PDE8B: variants seen among roughly 807,000 people sequenced by gnomAD.
The protein encoded by PDE8B is phosphodiesterase 8B, also known as high affinity cAMP-specific and IBMX-insensitive 3',5'-cyclic phosphodiesterase 8B.
A neutral mutation model predicts 101.3 loss-of-function variants in PDE8B; 26 were observed. The observed-to-expected ratio is 0.26, with a 90% CI of 0.19 to 0.36. PDE8B has a LOEUF of 0.36. Ranked by LOEUF, PDE8B falls within the 10% of genes least tolerant of loss-of-function variation. PDE8B has a pLI of 1.00. For missense variants in PDE8B, 810 were observed against 1,163.1 expected (o/e 0.70, Z 4.42); for synonymous variants, 424 against 429.3 (o/e 0.99, Z 0.15).
At chr5:77,425,923 A>G in intron 21 of PDE8B, 27 bp downstream of exon 21, 2 of 1,606,404 alleles carry the variant, frequency 1.2e-6, no homozygotes, top group Non-Finnish European at 1.7e-6. Context: ...TTTGTCACCC[A>G]AAGAAAATTG....
chr5:77,379,069 A>G (rs1581357501), intron 10 of PDE8B, among the ~76,000 whole-genome samples: 2 of 152,242 alleles, frequency 1.3e-5, no homozygotes, highest in East Asian at 3.8e-4. Flanking sequence ...AATGATTATC[A>G]CTGGGCTAAA....
intron 1 of PDE8B, among the ~76,000 whole-genome samples, chr5:77,219,462 G>A (rs1050931913): frequency 1.3e-5 from 2 of 152,128 alleles, no homozygotes; most frequent in Non-Finnish European, 2.9e-5. Flanking sequence ...GGTACCATAT[G>A]AAGAAAAAGA....
chr5:77,176,785 G>A, the PDE8B span, among the ~76,000 whole-genome samples: 1 of 152,204 alleles, frequency 6.6e-6, no homozygotes, highest in Admixed American at 6.5e-5. Context: ...CTAGGAATCA[G>A]ATTTGGAAGG....
chr5:77,284,828 AT>A, intron 1 of PDE8B, among the ~76,000 whole-genome samples: 1 of 152,216 alleles, frequency 6.6e-6, no homozygotes, highest in Admixed American at 6.5e-5. Context: ...TTTCATTGCC[AT>A]GTAGTCTTCC....
At chr5:77,392,287 C>G (rs180757816) in intron 10 of PDE8B, among the ~76,000 whole-genome samples, 188 of 152,202 alleles carry the variant, frequency 1.2e-3, no homozygotes, top group African/African-American at 4.3e-3. Context: ...GACCTACCCC[C>G]CAAAGTCTGA....
At chr5:77,091,619 C>T in the PDE8B span, among the ~76,000 whole-genome samples, 105 of 151,714 alleles carry the variant, frequency 6.9e-4, 1 homozygote, top group Middle Eastern at 0.017. Flanking sequence ...CCAGACTGGG[C>T]GACAGAGTGA....
the PDE8B span, among the ~76,000 whole-genome samples, chr5:77,183,982 A>T: frequency 1.7e-4 from 23 of 132,010 alleles, no homozygotes; most frequent in African/African-American, 5.1e-4. Flanking sequence ...TTTTTTTTTA[A>T]AAAAAAACAG....
chr5:77,186,245 C>T, the PDE8B span, among the ~76,000 whole-genome samples: 1 of 152,168 alleles, frequency 6.6e-6, no homozygotes, highest in Non-Finnish European at 1.5e-5. Flanking sequence ...ATTGCATTAC[C>T]ACTTTAAAGC....
At chr5:77,177,166 C>T in the PDE8B span, among the ~76,000 whole-genome samples, 4 of 152,196 alleles carry the variant, frequency 2.6e-5, no homozygotes, top group Admixed American at 6.5e-5. Flanking sequence ...GTGTTGGGCT[C>T]TGTTTCGCTG....
chr5:77,266,866 G>GT (rs796951209), intron 1 of PDE8B, among the ~76,000 whole-genome samples: 2,099 of 144,492 alleles, frequency 0.015, 24 homozygotes, highest in African/African-American at 0.045. Flanking sequence ...TCTTGAATCT[G>GT]TTTTTTTTTT....
At chr5:77,210,521 G>C, upstream of PDE8B, 2 of 650,066 alleles carry the variant, frequency 3.1e-6, no homozygotes, top group Non-Finnish European at 3.8e-6. The surrounding 1 kb of genome is among the most constrained non-coding windows in gnomAD (Gnocchi z 4.9). Flanking sequence ...CAGGCGGGCG[G>C]GCGCCCTGGC....
intron 10 of PDE8B, among the ~76,000 whole-genome samples, chr5:77,370,621 T>G (rs897907295): frequency 6.6e-6 from 1 of 152,254 alleles, no homozygotes; most frequent in Non-Finnish European, 1.5e-5. Context: ...CTGTGAATAT[T>G]CTTATACAAG....
the PDE8B span, among the ~76,000 whole-genome samples, chr5:77,152,488 A>T: frequency 6.7e-3 from 1,024 of 152,240 alleles, 10 homozygotes; most frequent in African/African-American, 0.021. Context: ...CATCTCCTGC[A>T]CCCAGCTCTG....
the PDE8B span, among the ~76,000 whole-genome samples, chr5:77,124,964 C>A: frequency 6.6e-6 from 1 of 152,118 alleles, no homozygotes; most frequent in Non-Finnish European, 1.5e-5. Context: ...ATTCTTCACA[C>A]CTGTTAGGAT....
chr5:77,426,042 T>G (rs1581662779), intron 21 of PDE8B, 146 bp downstream of exon 21: 1 of 713,068 alleles, frequency 1.4e-6, no homozygotes, highest in Non-Finnish European at 2.5e-6. Flanking sequence ...TGGGGTGGGG[T>G]GCATTCTTTG....
intron 10 of PDE8B, among the ~76,000 whole-genome samples, chr5:77,360,557 C>T (rs1368082193): frequency 6.6e-6 from 1 of 152,218 alleles, no homozygotes; most frequent in Non-Finnish European, 1.5e-5. Context: ...CAACCTAAAT[C>T]ATCCATTCAG....
the PDE8B span, among the ~76,000 whole-genome samples, chr5:77,164,564 C>T: frequency 6.6e-6 from 1 of 152,186 alleles, no homozygotes; most frequent in Non-Finnish European, 1.5e-5. Context: ...ACTCTTCTCT[C>T]ACCTTATGGG....
At chr5:77,328,268 G>T (rs774267986) in intron 3 of PDE8B, among the ~76,000 whole-genome samples, 1 of 152,076 alleles carries the variant, frequency 6.6e-6, no homozygotes, top group Non-Finnish European at 1.5e-5. Flanking sequence ...CTGGGCTGTA[G>T]CATGGCACAG....
Position 77,218,597 on chromosome 5 carries a change from C to T in PDE8B, c.339+7333C>T, listed in dbSNP as rs960937367. Among the ~76,000 whole-genome samples, 70 of 152,154 alleles carry T rather than the reference C, an allele frequency of 4.6e-4. 1 individual carries two copies. Among genetic ancestry groups the T allele is most frequent in the Admixed American group, 4.3e-3 (65 of 15,264 alleles). On this transcript the variant is annotated intron_variant, in intron 1 of 21. Transcript: ENST00000264917. ...CAGAGGGAAGGGGAGCAGGGAGCCTCGTGAGTGAGATTTTTCCTTTCACAT... is the reference window on the plus strand; with the variant it reads ...CAGAGGGAAGGGGAGCAGGGAGCCTTGTGAGTGAGATTTTTCCTTTCACAT...
Sources: gnomAD v4.1 joint callset for allele counts (sites outside exome capture counted in the v4.1 genomes callset) on GRCh38, gnomAD v4.1.1 for gene constraint, Gnocchi (gnomAD v3.1) non-coding constraint, MANE v1.5 for transcripts, NCBI Gene and HGNC (gene_info 2026-07-23, HGNC 2026-07-21) for gene names.